CCSER1: variants seen among roughly 807,000 people sequenced by gnomAD.
The protein encoded by CCSER1 is coiled-coil serine rich protein 1.
A neutral mutation model predicts 82.0 loss-of-function variants in CCSER1; 41 were observed. The observed-to-expected ratio is 0.50, with a 90% CI of 0.39 to 0.65. The LOEUF is 0.65. CCSER1 is among the 30% of genes least tolerant of loss of function. The pLI, the probability that CCSER1 is intolerant of heterozygous loss-of-function variation, is 0.00. For synonymous variants in CCSER1, 414 were observed against 383.9 expected (o/e 1.08, Z -0.92); for missense variants, 1,119 against 1,064.2 (o/e 1.05, Z -0.72).
chr4:91,087,337 A>G (rs1002410454), intron 10 of CCSER1, among the ~76,000 whole-genome samples: 3 of 152,106 alleles, frequency 2.0e-5, no homozygotes, highest in Non-Finnish European at 4.4e-5. Context: ...TGGCATTGCT[A>G]AATGGTGCCA....
chr4:91,382,408 G>A (rs1427646287), intron 10 of CCSER1, among the ~76,000 whole-genome samples: 9 of 152,242 alleles, frequency 5.9e-5, no homozygotes, highest in South Asian at 2.1e-4. Context: ...CAGCAATGGC[G>A]GGCACCTGGC....
intron 10 of CCSER1, among the ~76,000 whole-genome samples, chr4:91,568,683 C>T (rs1175662428): frequency 2.6e-5 from 4 of 152,124 alleles, no homozygotes; most frequent in Admixed American, 2.6e-4. Flanking sequence ...TGGTGTTATT[C>T]AGCTCTGTCA....
intron 10 of CCSER1, among the ~76,000 whole-genome samples, chr4:91,115,364 T>C (rs187899348): frequency 6.6e-6 from 1 of 152,258 alleles, no homozygotes; most frequent in East Asian, 1.9e-4. Flanking sequence ...TCTTGCTCTG[T>C]TGCCCAGGCT....
chr4:90,558,785 T>C (rs1300146619), intron 5 of CCSER1, among the ~76,000 whole-genome samples: 2 of 152,156 alleles, frequency 1.3e-5, no homozygotes, highest in African/African-American at 4.8e-5. Context: ...AATGAGTATA[T>C]TTTTTAGGGA....
At position 91,452,020 on chromosome 4, in the gene CCSER1, G is replaced by A. The variant is rs1466361338; in HGVS notation, c.2218-146552G>A. On this transcript the variant is annotated intron_variant, in intron 10 of 10. Coordinates refer to ENST00000509176, the MANE Select transcript of CCSER1 (RefSeq NM_001145065.2). ...ATTTCATTTTTAAGGGTTTGCATCA[G>A]AACATGCTCTATATACACTATGATG... Among the ~76,000 whole-genome samples the A allele has an allele frequency of 2.0e-5, 3 of 151,876 alleles. No homozygotes were observed. The East Asian group carries it at 5.8e-4, about 29-fold the overall frequency.
chr4:90,862,209 G>T (rs1282476005), intron 8 of CCSER1, among the ~76,000 whole-genome samples: 3 of 151,812 alleles, frequency 2.0e-5, no homozygotes, highest in Non-Finnish European at 4.4e-5. Context: ...AAACTCAGAA[G>T]GTTCTCAGCA....
chr4:91,390,983 G>T (rs1384371824), intron 10 of CCSER1, among the ~76,000 whole-genome samples: 1 of 151,836 alleles, frequency 6.6e-6, no homozygotes, highest in Admixed American at 6.6e-5. Context: ...AGTTAGCTTA[G>T]CTAGAGGCTT....
chr4:90,338,829 A>C (rs1740872810), intron 3 of CCSER1, among the ~76,000 whole-genome samples: 1 of 152,180 alleles, frequency 6.6e-6, no homozygotes, highest in Non-Finnish European at 1.5e-5. Context: ...TAAGGTACAT[A>C]GCTTTTTATT....
intron 10 of CCSER1, among the ~76,000 whole-genome samples, chr4:91,284,464 C>T (rs1165100713): frequency 2.0e-5 from 3 of 151,990 alleles, no homozygotes; most frequent in Non-Finnish European, 4.4e-5. Context: ...ATATGCACCT[C>T]GGCAGAGTCA....
chr4:91,501,753 TACTA>T (rs1205457860), intron 10 of CCSER1, among the ~76,000 whole-genome samples: 2 of 152,106 alleles, frequency 1.3e-5, no homozygotes, highest in African/African-American at 4.8e-5. Context: ...AACAAGAAAC[TACTA>T]ACTAAATTAT....
chr4:91,441,253 A>G (rs1755114762), intron 10 of CCSER1, among the ~76,000 whole-genome samples: 1 of 151,986 alleles, frequency 6.6e-6, no homozygotes, highest in Non-Finnish European at 1.5e-5. Flanking sequence ...CCAGCAGCAC[A>G]TCAAAAAGCT....
intron 7 of CCSER1, among the ~76,000 whole-genome samples, chr4:90,753,012 A>G (rs1330797670): frequency 3.3e-5 from 5 of 152,102 alleles, no homozygotes; most frequent in Non-Finnish European, 7.4e-5. Context: ...ATAAGTTCTT[A>G]GTTGGACCAA....
chr4:91,546,401 TTTTA>T (rs1417464627), intron 10 of CCSER1, among the ~76,000 whole-genome samples: 2 of 152,102 alleles, frequency 1.3e-5, no homozygotes, highest in Non-Finnish European at 2.9e-5. Flanking sequence ...TTTTTTGGAA[TTTTA>T]TTTATTATTG....
chr4:91,134,256 G>A (rs1728257978), intron 10 of CCSER1, among the ~76,000 whole-genome samples: 1 of 152,034 alleles, frequency 6.6e-6, no homozygotes. Flanking sequence ...GATTATTGGG[G>A]TGTAGTGGCC....
intron 10 of CCSER1, among the ~76,000 whole-genome samples, chr4:91,466,394 A>G (rs1424758613): frequency 6.6e-6 from 1 of 152,228 alleles, no homozygotes; most frequent in Non-Finnish European, 1.5e-5. Flanking sequence ...CACAGCCAAT[A>G]TCATATTGAA....
intron 10 of CCSER1, among the ~76,000 whole-genome samples, chr4:91,565,697 G>A (rs982290235): frequency 6.6e-6 from 1 of 152,040 alleles, no homozygotes; most frequent in African/African-American, 2.4e-5. Context: ...ATGGCTCTCA[G>A]TTTGGCTGTT....
rs559001835 is a variant in CCSER1, at chr4:91,571,239, C to G, written c.2218-27333C>G. Among the ~76,000 whole-genome samples, 16 of 152,324 alleles carry G rather than the reference C, an allele frequency of 1.1e-4. 1 individual carries two copies. In the South Asian group the frequency reaches 3.3e-3, roughly 32 times the overall value. ...CTCCAACTTTCTAGGACATTCCAAACTTTCTCACATTTTCCTATCTTCTTC... is the reference window on the plus strand; with the variant it reads ...CTCCAACTTTCTAGGACATTCCAAAGTTTCTCACATTTTCCTATCTTCTTC... On this transcript the variant is annotated intron_variant, in intron 10 of 10. Transcript: ENST00000509176.
chr4:90,366,621 C>G (rs985699837), intron 3 of CCSER1, among the ~76,000 whole-genome samples: 3 of 151,808 alleles, frequency 2.0e-5, no homozygotes, highest in Non-Finnish European at 4.4e-5. Context: ...ATTTTGTACC[C>G]TTTGACCATC....
chr4:90,714,879 A>T (rs896263005), intron 6 of CCSER1, among the ~76,000 whole-genome samples: 8 of 152,166 alleles, frequency 5.3e-5, no homozygotes, highest in Non-Finnish European at 7.4e-5. Context: ...TGTATCTGGC[A>T]TGAAATAGTT....
Sources: gnomAD v4.1 joint callset for allele counts (sites outside exome capture counted in the v4.1 genomes callset) on GRCh38, gnomAD v4.1.1 for gene constraint, MANE v1.5 for transcripts, NCBI Gene and HGNC (gene_info 2026-07-23, HGNC 2026-07-21) for gene names.